Variants in SIPA1L1 observed in about 807,000 individuals in gnomAD.
The protein encoded by SIPA1L1 is signal-induced proliferation-associated 1-like protein 1.
Under a neutral mutation model 162.7 loss-of-function variants are expected in SIPA1L1, and 26 were observed. The ratio of observed to expected loss-of-function variants is 0.16; its 90% CI spans 0.12 to 0.22. The LOEUF is 0.22. SIPA1L1 is among the 10% of genes least tolerant of loss of function. The pLI, the probability that SIPA1L1 is intolerant of heterozygous loss-of-function variation, is 1.00. For missense variants in SIPA1L1, 1,874 were observed against 2,241.0 expected, an observed-to-expected ratio of 0.84 and a Z score of 3.31; for synonymous variants, 829 against 837.4, an observed-to-expected ratio of 0.99 and a Z score of 0.17.
intron 4 of SIPA1L1, among the ~76,000 whole-genome samples, chr14:71,564,692 T>C (rs896167313): frequency 6.6e-6 from 1 of 152,016 alleles, no homozygotes; most frequent in Non-Finnish European, 1.5e-5. Flanking sequence ...GATTTTACCA[T>C]GTTAGCCAGG....
intron 2 of SIPA1L1, among the ~76,000 whole-genome samples, chr14:71,458,734 C>G (rs766102227): frequency 1.3e-5 from 2 of 152,032 alleles, no homozygotes; most frequent in African/African-American, 4.8e-5. Flanking sequence ...ACATTTCTCC[C>G]TTGACATTGC....
At chr14:71,710,257 T>C (rs2082766877) in intron 17 of SIPA1L1, among the ~76,000 whole-genome samples, 1 of 152,218 alleles carries the variant, frequency 6.6e-6, no homozygotes, top group African/African-American at 2.4e-5. Flanking sequence ...AATAGGAAAG[T>C]ACACATTCCC....
intron 2 of SIPA1L1, among the ~76,000 whole-genome samples, chr14:71,394,576 C>T (rs969324151): frequency 2.0e-5 from 3 of 152,168 alleles, no homozygotes; most frequent in East Asian, 1.9e-4. Flanking sequence ...TATAGACATC[C>T]GTTGTAATAA....
chr14:71,357,499 TGGGATTTGAG>T (rs2037386790), intron 2 of SIPA1L1, among the ~76,000 whole-genome samples: 1 of 152,196 alleles, frequency 6.6e-6, no homozygotes, highest in Non-Finnish European at 1.5e-5. Flanking sequence ...TTCCCCATAC[TGGGATTTGAG>T]CCCTGACGTA....
At chr14:71,651,163 A>G (rs926383842) in intron 8 of SIPA1L1, among the ~76,000 whole-genome samples, 2 of 152,166 alleles carry the variant, frequency 1.3e-5, no homozygotes, top group Admixed American at 6.5e-5. Flanking sequence ...AACATTCTCA[A>G]ATGCCTATTT....
chr14:71,525,524 A>C (rs1243462175), intron 3 of SIPA1L1, among the ~76,000 whole-genome samples: 1 of 151,964 alleles, frequency 6.6e-6, no homozygotes, highest in African/African-American at 2.4e-5. Context: ...TCTTTTCTTT[A>C]TTTCTTCTCT....
At chr14:71,650,547 C>T in intron 8 of SIPA1L1, 38 bp downstream of exon 8, 9 of 1,591,402 alleles carry the variant, frequency 5.7e-6, no homozygotes, top group Non-Finnish European at 7.8e-6. Context: ...GGCTTATTTT[C>T]CCCCTGTTGT....
At chr14:71,321,428 G>A in intron 2 of SIPA1L1, 1 of 152,318 alleles carries the variant, frequency 6.6e-6, no homozygotes, top group East Asian at 1.9e-4. Context: ...TACTGGGCAG[G>A]CGTCTCTGCG....
At chr14:71,569,527 C>A (rs1214656824) in intron 4 of SIPA1L1, among the ~76,000 whole-genome samples, 1 of 152,168 alleles carries the variant, frequency 6.6e-6, no homozygotes, top group African/African-American at 2.4e-5. Context: ...TTCAGAGACA[C>A]TGAAATGTAT....
intron 2 of SIPA1L1, among the ~76,000 whole-genome samples, chr14:71,331,457 A>G (rs576727156): frequency 1.3e-5 from 2 of 152,374 alleles, no homozygotes; most frequent in East Asian, 1.9e-4. Context: ...TTAATGGCAG[A>G]ACGTATGAGG....
At chr14:71,598,061 G>A (rs1264959980) in intron 5 of SIPA1L1, among the ~76,000 whole-genome samples, 2 of 152,166 alleles carry the variant, frequency 1.3e-5, no homozygotes, top group Non-Finnish European at 2.9e-5. Flanking sequence ...GAAGCCGTCT[G>A]TGTATATGGC....
At chr14:71,330,052 A>G (rs1171606226) in intron 2 of SIPA1L1, among the ~76,000 whole-genome samples, 3 of 152,168 alleles carry the variant, frequency 2.0e-5, no homozygotes, top group Non-Finnish European at 2.9e-5. Flanking sequence ...ACAGGTGGAA[A>G]GGACTAGTAC....
chr14:71,672,872 A>G (rs765211704), intron 12 of SIPA1L1, among the ~76,000 whole-genome samples: 4 of 152,242 alleles, frequency 2.6e-5, no homozygotes, highest in Non-Finnish European at 5.9e-5. Flanking sequence ...TAAAGTTGCC[A>G]TGACAGATAG....
intron 2 of SIPA1L1, among the ~76,000 whole-genome samples, chr14:71,484,977 C>T (rs995995997): frequency 6.6e-5 from 10 of 152,318 alleles, no homozygotes; most frequent in African/African-American, 2.4e-4. Flanking sequence ...TGCACAAAGA[C>T]AGGAGTACCC....
intron 4 of SIPA1L1, among the ~76,000 whole-genome samples, chr14:71,541,069 A>G (rs2054336962): frequency 1.3e-5 from 2 of 152,148 alleles, no homozygotes; most frequent in African/African-American, 4.8e-5. Flanking sequence ...TGGAGGTTGC[A>G]GTGAGCCAAG....
chr14:71,649,316 C>A (rs992081539), intron 7 of SIPA1L1, among the ~76,000 whole-genome samples: 1 of 151,752 alleles, frequency 6.6e-6, no homozygotes, highest in African/African-American at 2.4e-5. Flanking sequence ...CTCAACCTCC[C>A]GAGTAGCTGG....
intron 13 of SIPA1L1, among the ~76,000 whole-genome samples, chr14:71,688,412 G>GT (rs1312132461): frequency 6.6e-6 from 1 of 152,180 alleles, no homozygotes; most frequent in East Asian, 1.9e-4. Context: ...GTTTGAGAAA[G>GT]TTTGTTTTGC....
Position 71,395,694 on chromosome 14 carries a change from A to G in SIPA1L1, c.-465+74513A>G, listed in dbSNP as rs913848358. Among the ~76,000 whole-genome samples the G allele has an allele frequency of 8.5e-5, 13 of 152,284 alleles. No homozygotes were observed. The East Asian group carries it at 9.6e-4, about 11-fold the overall frequency. On this transcript the variant is annotated intron_variant, in intron 2 of 23. Coordinates refer to ENST00000381232, the MANE Select transcript of SIPA1L1 (RefSeq NM_001386936.1). ...TCAAGAGCTGGTCCTGCTGTAGACCACACTAGGATTCTTTTCACTGAGACT... is the reference window on the plus strand; with the variant it reads ...TCAAGAGCTGGTCCTGCTGTAGACCGCACTAGGATTCTTTTCACTGAGACT...
chr14:71,558,220 T>C (rs980521587), intron 4 of SIPA1L1, among the ~76,000 whole-genome samples: 2 of 152,120 alleles, frequency 1.3e-5, no homozygotes, highest in African/African-American at 4.8e-5. Context: ...ATTTGTTGAG[T>C]GAATATCAGG....
Sources: allele counts gnomAD v4.1 joint callset (sites outside exome capture counted in the v4.1 genomes callset), GRCh38; gene constraint gnomAD v4.1.1; transcripts MANE v1.5; gene names NCBI Gene and HGNC (gene_info 2026-07-23, HGNC 2026-07-21).